DSCAM: variants seen among roughly 807,000 people sequenced by gnomAD.
DSCAM encodes cell adhesion molecule DSCAM.
Under a neutral mutation model 217.7 loss-of-function variants are expected in DSCAM, and 47 were observed. The observed-to-expected ratio is 0.22, with a 90% CI of 0.17 to 0.28. The LOEUF (loss-of-function observed/expected upper bound fraction) is 0.28. Among genes scored for constraint, DSCAM ranks in the 10% least tolerant of loss-of-function variants. The probability of loss-of-function intolerance (pLI) is 1.00; values close to 1 mark genes in which losing one functional copy is unlikely to be tolerated. For missense variants in DSCAM, 2,080 were observed against 2,618.3 expected (o/e 0.79, Z 4.49); for synonymous variants, 1,056 against 1,015.3 (o/e 1.04, Z -0.76).
intron 3 of DSCAM, among the ~76,000 whole-genome samples, chr21:40,371,332 T>G (rs997337836): frequency 1.3e-5 from 2 of 152,290 alleles, no homozygotes. Flanking sequence ...AATGGAAACA[T>G]TATTTCTCTT....
In DSCAM at chr21:40,181,895, G is replaced by A. The variant is rs553103801; in HGVS notation, c.2780-2801C>T. Among the ~76,000 whole-genome samples, 93 of 151,988 alleles carry A rather than the reference G, an allele frequency of 6.1e-4. 4 individuals carry two copies. The South Asian group carries it at 0.019, about 30-fold the overall frequency. On this transcript the variant is annotated intron_variant, in intron 14 of 32. Coordinates refer to ENST00000400454, the MANE Select transcript of DSCAM (RefSeq NM_001389.5). ...CAGAAGCATTCACGAAAGAGTGGGCGGGATGCCATGGCTTGCTCCAGGGAG... is the reference window on the plus strand; with the variant it reads ...CAGAAGCATTCACGAAAGAGTGGGCAGGATGCCATGGCTTGCTCCAGGGAG...
chr21:40,266,776 G>GAA (rs1288165274), intron 11 of DSCAM, among the ~76,000 whole-genome samples: 1 of 19,304 alleles, frequency 5.2e-5, no homozygotes, highest in East Asian at 1.4e-3. Flanking sequence ...ATTTTCACAT[G>GAA]CATATATATA....
intron 3 of DSCAM, among the ~76,000 whole-genome samples, chr21:40,577,649 G>A (rs111974369): frequency 1.9e-4 from 29 of 152,272 alleles, no homozygotes; most frequent in African/African-American, 5.3e-4. Context: ...AAATTCTCTC[G>A]GCCCTGAAGA....
chr21:40,822,165 A>T (rs1308876375), intron 1 of DSCAM, among the ~76,000 whole-genome samples: 1 of 151,852 alleles, frequency 6.6e-6, no homozygotes, highest in Admixed American at 6.6e-5. Context: ...CTAAAAGTAC[A>T]AAAATTAGCT....
intron 3 of DSCAM, among the ~76,000 whole-genome samples, chr21:40,656,712 G>C (rs1293164861): frequency 1.3e-5 from 2 of 152,108 alleles, no homozygotes; most frequent in Admixed American, 1.3e-4. Context: ...CAATGTAAAG[G>C]CTGGAGTTTA....
chr21:40,116,696 T>TAA (rs566636841), intron 20 of DSCAM, among the ~76,000 whole-genome samples: 13,030 of 142,858 alleles, frequency 0.091, 865 homozygotes, highest in East Asian at 0.29. Flanking sequence ...TTTCCATTAT[T>TAA]AAAAAAAAAA....
intron 3 of DSCAM, among the ~76,000 whole-genome samples, chr21:40,546,882 G>A (rs1460628927): frequency 1.3e-5 from 2 of 152,114 alleles, no homozygotes; most frequent in Admixed American, 6.5e-5. Context: ...GAGAGGCCTA[G>A]TGAGAATGTG....
intron 3 of DSCAM, among the ~76,000 whole-genome samples, chr21:40,475,595 G>A (rs1398056136): frequency 1.3e-5 from 2 of 152,186 alleles, no homozygotes; most frequent in Non-Finnish European, 2.9e-5. Context: ...CACTTTGGGA[G>A]GCCGAGGCAG....
chr21:40,778,206 G>A (rs1401577424), intron 1 of DSCAM, among the ~76,000 whole-genome samples: 2 of 151,988 alleles, frequency 1.3e-5, no homozygotes, highest in East Asian at 3.9e-4. Context: ...AAGTAAGAAT[G>A]AACAAATGAA....
At chr21:40,772,732 G>C (rs1244321231) in intron 1 of DSCAM, among the ~76,000 whole-genome samples, 1 of 152,198 alleles carries the variant, frequency 6.6e-6, no homozygotes, top group African/African-American at 2.4e-5. Context: ...GGCATCTGCT[G>C]TGCTGTGCAA....
intron 11 of DSCAM, among the ~76,000 whole-genome samples, chr21:40,206,164 C>A (rs1028972548): frequency 1.3e-5 from 2 of 152,308 alleles, no homozygotes; most frequent in African/African-American, 2.4e-5. Context: ...GTAAAGAGAC[C>A]TTTGAACACC....
Position 40,737,260 on chromosome 21 carries a change from G to A in DSCAM, c.44-28489C>T, listed in dbSNP as rs565475430. ...TGATACATATTATAGGATCACAAGTGTATATATATAAAAAATAGAGACACA... is the reference window on the plus strand; with the variant it reads ...TGATACATATTATAGGATCACAAGTATATATATATAAAAAATAGAGACACA... On this transcript the variant is annotated intron_variant, in intron 1 of 32. Transcript: ENST00000400454. Among the ~76,000 whole-genome samples, 74 of 152,150 alleles carry A rather than the reference G, an allele frequency of 4.9e-4. 2 individuals are homozygous for A. The East Asian group carries it at 5.2e-3, about 11-fold the overall frequency.
chr21:40,698,022 A>T (rs1007581597), intron 2 of DSCAM, among the ~76,000 whole-genome samples: 3 of 152,088 alleles, frequency 2.0e-5, no homozygotes, highest in Admixed American at 2.0e-4. Flanking sequence ...ATACTTCTTT[A>T]TATTTTTAGC....
In DSCAM at chr21:40,023,139, TGCGATA is replaced by T. The variant is rs1231004510; in HGVS notation, c.5687-9759_5687-9754del. On this transcript the variant is annotated intron_variant, in intron 32 of 32. Transcript: ENST00000400454. ...TATGTGGTGTTTGGTTTTTTGTTCT[TGCGATA>T]GTTTACTGAGAATGATGATTTCCAA... Among the ~76,000 whole-genome samples the T allele has an allele frequency of 2.0e-5, 3 of 151,676 alleles. No individual in the cohort carries two copies. In the East Asian group the frequency reaches 5.9e-4, roughly 30 times the overall value.
intron 5 of DSCAM, among the ~76,000 whole-genome samples, chr21:40,352,067 GCAAT>G (rs1465275345): frequency 5.9e-5 from 9 of 152,036 alleles, no homozygotes; most frequent in African/African-American, 2.2e-4. Flanking sequence ...TTGAATTTTT[GCAAT>G]CAGACCTTGG....
At chr21:40,405,184 T>C (rs1387522191) in intron 3 of DSCAM, among the ~76,000 whole-genome samples, 2 of 152,208 alleles carry the variant, frequency 1.3e-5, no homozygotes, top group African/African-American at 4.8e-5. Flanking sequence ...GTGATGCTTA[T>C]GTTCTGAAAG....
Position 40,376,163 on chromosome 21 carries a change from T to A in DSCAM, c.509-6918A>T, listed in dbSNP as rs181381592. ...TTGAAAGAAGAGATGGCTCTGCTAA[T>A]AAGATGTTAAATGGTAGCACAAGCA... On this transcript the variant is annotated intron_variant, in intron 3 of 32. Transcript: ENST00000400454. Among the ~76,000 whole-genome samples, 9 of 152,248 alleles carry A rather than the reference T, an allele frequency of 5.9e-5. No homozygotes were observed. The East Asian group carries it at 1.7e-3, about 29-fold the overall frequency.
At chr21:40,292,218 T>C (rs976519126) in intron 10 of DSCAM, among the ~76,000 whole-genome samples, 23 of 146,442 alleles carry the variant, frequency 1.6e-4, no homozygotes, top group African/African-American at 5.3e-4. Flanking sequence ...TAGCAAAGAT[T>C]GTTTCATTTC....
At chr21:40,536,613 A>G (rs1042196868) in intron 3 of DSCAM, among the ~76,000 whole-genome samples, 38 of 152,116 alleles carry the variant, frequency 2.5e-4, no homozygotes, top group Admixed American at 1.2e-3. Context: ...TCACCATGTT[A>G]GCCAGGATGG....
Sources: gnomAD v4.1 joint callset for allele counts (sites outside exome capture counted in the v4.1 genomes callset) on GRCh38, gnomAD v4.1.1 for gene constraint, MANE v1.5 for transcripts, NCBI Gene and HGNC (gene_info 2026-07-23, HGNC 2026-07-21) for gene names.